Variants in PLCXD3 observed in about 807,000 individuals in gnomAD.
The protein encoded by PLCXD3 is phosphatidylinositol specific phospholipase C X domain containing 3, also known as PI-PLC X domain-containing protein 3.
In PLCXD3, 19 loss-of-function variants were observed where a neutral mutation model predicts 25.5. The ratio of observed to expected loss-of-function variants is 0.75; its 90% CI spans 0.52 to 1.09. The LOEUF (loss-of-function observed/expected upper bound fraction) is 1.09. Among genes scored for constraint, PLCXD3 ranks in the 50% least tolerant of loss-of-function variants. The pLI, the probability that PLCXD3 is intolerant of heterozygous loss-of-function variation, is 0.00. For synonymous variants in PLCXD3, 174 were observed against 137.6 expected (o/e 1.26, Z -1.85); for missense variants, 411 against 388.1 (o/e 1.06, Z -0.50).
At chr5:41,334,677 C>T (rs72755970) in intron 2 of PLCXD3, among the ~76,000 whole-genome samples, 11,186 of 152,164 alleles carry the variant, frequency 0.074, 725 homozygotes, top group East Asian at 0.35. Context: ...ATAATGGCAA[C>T]AGCAGCCCTT....
intron 1 of PLCXD3, among the ~76,000 whole-genome samples, chr5:41,505,138 T>G (rs554666541): frequency 6.7e-6 from 1 of 148,954 alleles, no homozygotes; most frequent in Admixed American, 6.6e-5. Flanking sequence ...TATAATAAAT[T>G]TTTACACGAG....
chr5:41,462,997 C>T (rs1747929005), intron 1 of PLCXD3, among the ~76,000 whole-genome samples: 1 of 151,738 alleles, frequency 6.6e-6, no homozygotes, highest in Non-Finnish European at 1.5e-5. Flanking sequence ...ATAGCAGATG[C>T]AGGACTGACA....
intron 1 of PLCXD3, among the ~76,000 whole-genome samples, chr5:41,420,942 C>G (rs1002617105): frequency 6.6e-6 from 1 of 152,166 alleles, no homozygotes; most frequent in African/African-American, 2.4e-5. Flanking sequence ...TTTATTAATA[C>G]TCAGGGATAC....
At chr5:41,409,300 G>C (rs1242957832) in intron 1 of PLCXD3, among the ~76,000 whole-genome samples, 1 of 152,086 alleles carries the variant, frequency 6.6e-6, no homozygotes, top group Non-Finnish European at 1.5e-5. Context: ...TCACAAAATG[G>C]ATCACTCTCC....
At chr5:41,365,658 G>A (rs868857758) in intron 2 of PLCXD3, among the ~76,000 whole-genome samples, 2 of 152,088 alleles carry the variant, frequency 1.3e-5, no homozygotes, top group African/African-American at 2.4e-5. Context: ...GGGACACTGG[G>A]AAACACTATT....
At chr5:41,415,522 T>C (rs993362011) in intron 1 of PLCXD3, among the ~76,000 whole-genome samples, 3 of 152,210 alleles carry the variant, frequency 2.0e-5, no homozygotes, top group African/African-American at 7.2e-5. Context: ...GACAGATCCA[T>C]ATGTTTCCTC....
chr5:41,431,239 G>C (rs1747092611), intron 1 of PLCXD3, among the ~76,000 whole-genome samples: 1 of 152,164 alleles, frequency 6.6e-6, no homozygotes. Flanking sequence ...TAATTAAAAA[G>C]TGGTTATAGA....
At position 41,399,485 on chromosome 5, in the gene PLCXD3, A is replaced by AT. The variant is rs1392184147; in HGVS notation, c.104-16952dup. 2.6e-5 allele frequency among the ~76,000 whole-genome samples: 4 copies of AT among 152,308 alleles called. No homozygotes were observed. In the East Asian group the frequency reaches 7.7e-4, roughly 29 times the overall value. On this transcript the variant is annotated intron_variant, in intron 1 of 2. Coordinates refer to ENST00000377801, the MANE Select transcript of PLCXD3 (RefSeq NM_001005473.3). ...GTAACCAAAACAGCATGGTACTGAC[A>AT]TAAAAACAGACACATAGACCAATAG...
intron 2 of PLCXD3, among the ~76,000 whole-genome samples, chr5:41,359,503 A>G (rs560010043): frequency 1.7e-3 from 254 of 152,274 alleles, no homozygotes; most frequent in African/African-American, 5.8e-3. Context: ...CGATGTGCAT[A>G]CTATGTACAC....
At chr5:41,403,409 T>TTTTTTTTTTGTTTTTGTTTTTG in intron 1 of PLCXD3, among the ~76,000 whole-genome samples, 1 of 39,670 alleles carries the variant, frequency 2.5e-5, no homozygotes, top group Non-Finnish European at 6.3e-5. Flanking sequence ...TTGTTTTTTT[T>TTTTTTTTTTGTTTTTGTTTTTG]TTTTTTTATT....
At position 41,450,271 on chromosome 5, in the gene PLCXD3, G is replaced by C. The variant is rs1189972470; in HGVS notation, c.103+60153C>G. Among the ~76,000 whole-genome samples the C allele has an allele frequency of 2.0e-5, 3 of 152,100 alleles. No individual in the cohort carries two copies. The East Asian group carries it at 5.8e-4, about 29-fold the overall frequency. On this transcript the variant is annotated intron_variant, in intron 1 of 2. Transcript: ENST00000377801. ...TTTTCTTGCAAGTCTGAATTGATAGGAAACTAACATTCACAGCATCTTAGA... is the reference window on the plus strand; with the variant it reads ...TTTTCTTGCAAGTCTGAATTGATAGCAAACTAACATTCACAGCATCTTAGA...
At chr5:41,351,137 T>A (rs963098614) in intron 2 of PLCXD3, among the ~76,000 whole-genome samples, 1 of 152,210 alleles carries the variant, frequency 6.6e-6, no homozygotes, top group African/African-American at 2.4e-5. Context: ...ATACCTTTTT[T>A]TTGAGGCAAA....
rs1747038732 is a variant in PLCXD3 at position 41,429,332 on chromosome 5, A to G, written c.104-46798T>C. Among the ~76,000 whole-genome samples, 3 of 151,936 alleles carry G rather than the reference A, an allele frequency of 2.0e-5. No individual in the cohort carries two copies. The South Asian group carries it at 6.3e-4, about 32-fold the overall frequency. ...GACAAAGACAACACTGCTACTGGGG[A>G]TGGGGGAAGGGCACATTCAGTATCA... On this transcript the variant is annotated intron_variant, in intron 1 of 2. Coordinates refer to ENST00000377801, the MANE Select transcript of PLCXD3 (RefSeq NM_001005473.3).
At chr5:41,475,019 A>G (rs1179141031) in intron 1 of PLCXD3, among the ~76,000 whole-genome samples, 1 of 152,216 alleles carries the variant, frequency 6.6e-6, no homozygotes, top group Non-Finnish European at 1.5e-5. Flanking sequence ...AGAAGACAGT[A>G]CAAGCCAATT....
At chr5:41,389,650 G>A (rs1745747193) in intron 1 of PLCXD3, among the ~76,000 whole-genome samples, 1 of 152,120 alleles carries the variant, frequency 6.6e-6, no homozygotes, top group Non-Finnish European at 1.5e-5. Flanking sequence ...GTTGGTAACA[G>A]TGACCATCAG....
intron 2 of PLCXD3, among the ~76,000 whole-genome samples, chr5:41,344,280 T>A (rs1744243866): frequency 6.6e-6 from 1 of 152,224 alleles, no homozygotes; most frequent in South Asian, 2.1e-4. Context: ...AAGTCATCCA[T>A]CCAGAAATGC....
chr5:41,458,158 A>G (rs982481797), intron 1 of PLCXD3, among the ~76,000 whole-genome samples: 1 of 151,902 alleles, frequency 6.6e-6, no homozygotes, highest in Non-Finnish European at 1.5e-5. Flanking sequence ...CAATAGTGAT[A>G]AAAATGAGCT....
At chr5:41,466,681 C>G (rs1170994514) in intron 1 of PLCXD3, among the ~76,000 whole-genome samples, 1 of 152,022 alleles carries the variant, frequency 6.6e-6, no homozygotes, top group Non-Finnish European at 1.5e-5. Flanking sequence ...TGATCAACAA[C>G]TCCCATTCCC....
chr5:41,399,214 T>C (rs1290989682), intron 1 of PLCXD3, among the ~76,000 whole-genome samples: 1 of 152,006 alleles, frequency 6.6e-6, no homozygotes, highest in Non-Finnish European at 1.5e-5. Context: ...AAAATGGAAA[T>C]ATATTCCATG....
Sources: allele counts gnomAD v4.1 joint callset (sites outside exome capture counted in the v4.1 genomes callset), GRCh38; gene constraint gnomAD v4.1.1; transcripts MANE v1.5; gene names NCBI Gene and HGNC (gene_info 2026-07-23, HGNC 2026-07-21).